Variants in KLHL29 observed in about 807,000 individuals in gnomAD.
KLHL29 encodes kelch like family member 29.
Under a neutral mutation model 80.4 loss-of-function variants are expected in KLHL29, and 21 were observed. The ratio of observed to expected loss-of-function variants is 0.26; its 90% confidence interval spans 0.19 to 0.38. The LOEUF is 0.38. Among genes scored for constraint, KLHL29 ranks in the 10% least tolerant of loss-of-function variants. The pLI, the probability that KLHL29 is intolerant of heterozygous loss-of-function variation, is 1.00. For synonymous variants in KLHL29, 511 were observed against 526.8 expected (o/e 0.97, Z 0.41); for missense variants, 867 against 1,223.9 (o/e 0.71, Z 4.35).
Position 23,696,615 on chromosome 2 carries a change from G to A in KLHL29, c.2105+102G>A, listed in dbSNP as rs1248840028. On this transcript the variant is annotated intron_variant, in intron 11 of 13. Coordinates refer to ENST00000486442, the MANE Select transcript of KLHL29 (RefSeq NM_052920.2). The surrounding 1 kb of genome is among the most constrained non-coding windows in gnomAD (Gnocchi z 5.5). ...CCAACACCCACTCAGTGGCGATGGA[G>A]CAGAGCCTGGACCATTCATATGGGC... The A allele has an allele frequency of 3.2e-6, 3 of 937,200 alleles. No homozygotes were observed. The highest frequency in any genetic ancestry group is 1.6e-6 in the Non-Finnish European group (1 of 630,824). The allele number at this position is 937,200 out of a possible 1,614,324, so 58.1% of individuals were successfully genotyped here.
intron 1 of KLHL29, among the ~76,000 whole-genome samples, chr2:23,416,079 G>T (rs903760329): frequency 4.6e-5 from 7 of 152,072 alleles, no homozygotes; most frequent in African/African-American, 1.7e-4. Flanking sequence ...GTGCCTGCTG[G>T]AGTTACACCT....
intron 3 of KLHL29, among the ~76,000 whole-genome samples, chr2:23,604,110 G>A (rs535408528): frequency 2.0e-5 from 3 of 152,188 alleles, no homozygotes; most frequent in African/African-American, 7.2e-5. Context: ...AGGACCATTG[G>A]ACAACTGGAA....
In KLHL29 at chr2:23,700,178, T is replaced by A. The variant is rs918276568; in HGVS notation, c.2106-3008T>A. Reference sequence around the variant, plus strand: ...ATTATCCAGTTGGACTCCTTCCTATTTTAGCATGTAAACACAATTAAACAT... The same window carrying A: ...ATTATCCAGTTGGACTCCTTCCTATATTAGCATGTAAACACAATTAAACAT... On this transcript the variant is annotated intron_variant, in intron 11 of 13. Transcript: ENST00000486442. This position sits in a 1 kb window ranked among gnomAD's most constrained non-coding sequence, Gnocchi z 4.6. Among the ~76,000 whole-genome samples, 2 of 152,212 alleles carry A rather than the reference T, an allele frequency of 1.3e-5. No homozygotes were observed. Among genetic ancestry groups the A allele is most frequent in the African/African-American group, 4.8e-5 (2 of 41,438 alleles).
chr2:23,602,753 C>T (rs948757381), intron 3 of KLHL29, among the ~76,000 whole-genome samples: 1 of 151,964 alleles, frequency 6.6e-6, no homozygotes, highest in African/African-American at 2.4e-5. Context: ...CACTCCCGAC[C>T]TCTACATGGG....
intron 1 of KLHL29, among the ~76,000 whole-genome samples, chr2:23,395,513 G>A (rs966828960): frequency 6.6e-6 from 1 of 152,184 alleles, no homozygotes; most frequent in African/African-American, 2.4e-5. Context: ...TTGGGAGGCC[G>A]AGGTGGGCGG....
chr2:23,503,857 G>A lies in KLHL29; in HGVS notation c.-46+28190G>A, dbSNP rs761986142. Among the ~76,000 whole-genome samples, 4 of 152,328 alleles carry A rather than the reference G, an allele frequency of 2.6e-5. No individual in the cohort carries two copies. Among genetic ancestry groups the A allele is most frequent in the Admixed American group, 6.5e-5 (1 of 15,302 alleles). ...TTGCCGTCTTTGTTTAAAGAGAGGC[G>A]GAGGCAGACCCCAGGCATTCAAATG... On this transcript the variant is annotated intron_variant, in intron 2 of 13. Coordinates refer to ENST00000486442, the MANE Select transcript of KLHL29 (RefSeq NM_052920.2). This position sits in a 1 kb window ranked among gnomAD's most constrained non-coding sequence, Gnocchi z 4.0.
intron 3 of KLHL29, among the ~76,000 whole-genome samples, chr2:23,567,503 A>AT (rs1190905838): frequency 1.3e-5 from 2 of 152,226 alleles, no homozygotes; most frequent in African/African-American, 4.8e-5. Context: ...ATTTATGAGC[A>AT]TTTAGGGCTA....
At chr2:23,391,649 G>A (rs1304304455) in intron 1 of KLHL29, among the ~76,000 whole-genome samples, 4 of 152,114 alleles carry the variant, frequency 2.6e-5, no homozygotes, top group Admixed American at 2.6e-4. Flanking sequence ...TGGTCAGGCT[G>A]GTCTCGAACT....
At chr2:23,455,419 T>C (rs1378959905) in intron 1 of KLHL29, among the ~76,000 whole-genome samples, 1 of 152,234 alleles carries the variant, frequency 6.6e-6, no homozygotes, top group Non-Finnish European at 1.5e-5. Context: ...TCAACATTGG[T>C]TTGGTCTGTT....
intron 5 of KLHL29, among the ~76,000 whole-genome samples, chr2:23,663,175 C>T (rs1488508304): frequency 1.3e-5 from 2 of 152,214 alleles, no homozygotes; most frequent in African/African-American, 4.8e-5. Context: ...CAGCTGAGGA[C>T]GAATGCTATG....
chr2:23,526,524 TG>T (rs1666325075), intron 2 of KLHL29, among the ~76,000 whole-genome samples: 1 of 152,126 alleles, frequency 6.6e-6, no homozygotes, highest in Admixed American at 6.5e-5. Context: ...ATCCAGCAGA[TG>T]GTGGGAAAAA....
At chr2:23,608,933 T>G (rs1668792897) in intron 3 of KLHL29, among the ~76,000 whole-genome samples, 1 of 152,182 alleles carries the variant, frequency 6.6e-6, no homozygotes. Context: ...AAATAAAATA[T>G]TTACAGGTTT....
Position 23,706,847 on chromosome 2 carries a change from C to CG in KLHL29, c.*185dup. 1 of 522,062 alleles carries CG rather than the reference C, an allele frequency of 1.9e-6. No homozygotes were observed. Among genetic ancestry groups the CG allele is most frequent in the Non-Finnish European group, 3.2e-6 (1 of 311,976 alleles). The allele number at this position is 522,062 out of a possible 1,614,324, so 32.3% of individuals were successfully genotyped here. A position where few individuals can be genotyped will look rare whatever the true frequency, so the allele number is the denominator to read the frequency against. ...AAATCATCCTCGCCTTTGGATGAAA[C>CG]GGAGGCACCGCGCTTGGAGCCGCAG... On this transcript the variant is annotated 3_prime_UTR_variant, in exon 14 of 14. Coordinates refer to ENST00000486442, the MANE Select transcript of KLHL29 (RefSeq NM_052920.2).
At chr2:23,624,589 A>G (rs980146958) in intron 3 of KLHL29, among the ~76,000 whole-genome samples, 1 of 152,190 alleles carries the variant, frequency 6.6e-6, no homozygotes. Context: ...CTCACAGCCA[A>G]TAGCTACACT....
chr2:23,642,222 A>C, intron 4 of KLHL29, 116 bp from the exon 5 acceptor site: 1 of 957,446 alleles, frequency 1.0e-6, no homozygotes, highest in Non-Finnish European at 1.4e-6. Flanking sequence ...CAGTTCCTGG[A>C]CGCAGGTGTC....
chr2:23,505,336 T>C (rs990927731), intron 2 of KLHL29, among the ~76,000 whole-genome samples: 2 of 152,206 alleles, frequency 1.3e-5, no homozygotes, highest in Non-Finnish European at 2.9e-5. Flanking sequence ...AGGTGTTCTC[T>C]CGAGGCATGT....
At chr2:23,619,015 CCAGGGGAA>C (rs1378701840) in intron 3 of KLHL29, among the ~76,000 whole-genome samples, 1 of 152,208 alleles carries the variant, frequency 6.6e-6, no homozygotes, top group African/African-American at 2.4e-5. Context: ...TCCTTCCCCT[CCAGGGGAA>C]CAGGGCTTGG....
intron 2 of KLHL29, among the ~76,000 whole-genome samples, chr2:23,547,718 C>T (rs1667013518): frequency 6.6e-6 from 1 of 151,924 alleles, no homozygotes; most frequent in East Asian, 1.9e-4. Flanking sequence ...TAACAGAGTG[C>T]ATGTGAAAAG....
At chr2:23,639,796 A>T (rs1016241936) in intron 4 of KLHL29, among the ~76,000 whole-genome samples, 1 of 151,920 alleles carries the variant, frequency 6.6e-6, no homozygotes, top group Non-Finnish European at 1.5e-5. Context: ...TACACAGAAC[A>T]CCTCGATTTG....
Sources: gnomAD v4.1 joint callset for allele counts (sites outside exome capture counted in the v4.1 genomes callset) on GRCh38, gnomAD v4.1.1 for gene constraint, Gnocchi (gnomAD v3.1) non-coding constraint, MANE v1.5 for transcripts, NCBI Gene and HGNC (gene_info 2026-07-23, HGNC 2026-07-21) for gene names.